DCC: variants seen among roughly 807,000 people sequenced by gnomAD.
DCC encodes the protein netrin receptor DCC.
Under a neutral mutation model 172.5 loss-of-function variants are expected in DCC, and 58 were observed. The observed-to-expected ratio is 0.34, with a 90% CI of 0.27 to 0.42. DCC has a LOEUF of 0.42. Among genes scored for constraint, DCC ranks in the 10% least tolerant of loss-of-function variants. The probability of loss-of-function intolerance (pLI) is 1.00; values close to 1 mark genes in which losing one functional copy is unlikely to be tolerated. For missense variants in DCC, 1,740 were observed against 1,791.0 expected (o/e 0.97, Z 0.51); for synonymous variants, 709 against 644.5 (o/e 1.10, Z -1.52).
intron 12 of DCC, among the ~76,000 whole-genome samples, chr18:53,266,594 C>CTTTT (rs2056678067): frequency 6.6e-6 from 1 of 151,990 alleles, no homozygotes; most frequent in Non-Finnish European, 1.5e-5. Context: ...TTAATGTGTG[C>CTTTT]AGTTCATGGC....
At chr18:53,498,725 T>C (rs1304589311) in intron 26 of DCC, among the ~76,000 whole-genome samples, 2 of 152,228 alleles carry the variant, frequency 1.3e-5, no homozygotes, top group Non-Finnish European at 2.9e-5. Context: ...GGCAACTTGT[T>C]CTGGCAGAGT....
intron 1 of DCC, among the ~76,000 whole-genome samples, chr18:52,677,508 T>C (rs2035666218): frequency 1.3e-5 from 2 of 151,978 alleles, no homozygotes; most frequent in Non-Finnish European, 1.5e-5. Context: ...TTATTATTAT[T>C]GTTTCTATTG....
At chr18:53,217,479 A>G (rs181713298) in intron 12 of DCC, among the ~76,000 whole-genome samples, 27 of 152,230 alleles carry the variant, frequency 1.8e-4, no homozygotes, top group African/African-American at 6.5e-4. Flanking sequence ...TCAGAATGAA[A>G]ATACTATGCC....
chr18:52,525,051 G>A (rs1291222859), intron 1 of DCC, among the ~76,000 whole-genome samples: 1 of 151,844 alleles, frequency 6.6e-6, no homozygotes, highest in African/African-American at 2.4e-5. Flanking sequence ...CTGTTTAGTG[G>A]GTTCTTGTAA....
chr18:52,544,467 G>A (rs2032556595), intron 1 of DCC, among the ~76,000 whole-genome samples: 1 of 137,078 alleles, frequency 7.3e-6, no homozygotes, highest in Admixed American at 7.3e-5. Flanking sequence ...TTTTTTTGTG[G>A]CACCACAAGA....
chr18:52,598,217 T>A (rs1029218790), intron 1 of DCC, among the ~76,000 whole-genome samples: 9 of 152,178 alleles, frequency 5.9e-5, no homozygotes, highest in Non-Finnish European at 1.3e-4. Context: ...TTAAAAACAA[T>A]TTACCATTTG....
intron 15 of DCC, among the ~76,000 whole-genome samples, chr18:53,350,627 C>T (rs1568073993): frequency 2.0e-5 from 3 of 151,712 alleles, no homozygotes; most frequent in African/African-American, 7.3e-5. Context: ...TTTGTAATAG[C>T]TCAGTAAAAA....
At chr18:53,226,080 GC>G (rs1415239110) in intron 12 of DCC, among the ~76,000 whole-genome samples, 2 of 152,136 alleles carry the variant, frequency 1.3e-5, no homozygotes, top group African/African-American at 4.8e-5. Context: ...GAGATAATAT[GC>G]CCCAGTGTCA....
intron 2 of DCC, among the ~76,000 whole-genome samples, chr18:52,839,116 A>C (rs2038762155): frequency 6.6e-6 from 1 of 152,244 alleles, no homozygotes; most frequent in South Asian, 2.1e-4. Flanking sequence ...ACATTTACTT[A>C]ACCATATTAC....
rs1366957682 is a variant in DCC at position 53,063,305 on chromosome 18, T to G, written c.986T>G (p.Val329Gly). 3 of 1,613,146 alleles carry G rather than the reference T, an allele frequency of 1.9e-6. No homozygotes were observed. Among genetic ancestry groups the G allele is most frequent in the Non-Finnish European group, 2.5e-6 (3 of 1,179,432 alleles). The change falls in exon 6 of 29, where the codon GTT becomes GGT. Residue 329 changes from valine (V) to glycine (G), a missense_variant and splice_region_variant. Coordinates refer to ENST00000442544, the MANE Select transcript of DCC (RefSeq NM_005215.4). Reference sequence around the variant, plus strand: ...CACTTTTTTTTTTCTGTCTTTGCAGTTCCGCCATGGTTTTTAAATCATCCT... The same window carrying G: ...CACTTTTTTTTTTCTGTCTTTGCAGGTCCGCCATGGTTTTTAAATCATCCT... ...ISASAELTVLVPPWFLNHPSN... is the reference protein window; with the variant it reads ...ISASAELTVLGPPWFLNHPSN...
chr18:52,369,345 C>T (rs1985015767), intron 1 of DCC, among the ~76,000 whole-genome samples: 1 of 151,954 alleles, frequency 6.6e-6, no homozygotes, highest in South Asian at 2.1e-4. Flanking sequence ...TATTTCTCCC[C>T]ACCTCAGGTC....
At chr18:53,191,268 C>T (rs929441104) in intron 9 of DCC, among the ~76,000 whole-genome samples, 1 of 152,046 alleles carries the variant, frequency 6.6e-6, no homozygotes, top group African/African-American at 2.4e-5. Context: ...TGGTATGGTT[C>T]ATTATCTAAC....
At chr18:52,398,380 T>TC in intron 1 of DCC, among the ~76,000 whole-genome samples, 2 of 152,112 alleles carry the variant, frequency 1.3e-5, no homozygotes, top group Admixed American at 1.3e-4. Context: ...GTGGGTTTTT[T>TC]CCCAACATGA....
At chr18:53,088,012 A>G (rs1323769905) in intron 7 of DCC, among the ~76,000 whole-genome samples, 1 of 152,072 alleles carries the variant, frequency 6.6e-6, no homozygotes, top group Non-Finnish European at 1.5e-5. Context: ...GTAGCCTTGT[A>G]GTATAGTTTG....
intron 19 of DCC, among the ~76,000 whole-genome samples, chr18:53,407,227 C>G (rs1909714029): frequency 6.6e-6 from 1 of 152,026 alleles, no homozygotes; most frequent in African/African-American, 2.4e-5. Flanking sequence ...GCACTTAAAA[C>G]AGCCCATGAA....
At chr18:52,639,879 C>G (rs2034855938) in intron 1 of DCC, among the ~76,000 whole-genome samples, 1 of 152,144 alleles carries the variant, frequency 6.6e-6, no homozygotes, top group South Asian at 2.1e-4. Context: ...CCAGCATCAC[C>G]CTAATACCAA....
chr18:53,101,862 C>T (rs1392923042), intron 7 of DCC, among the ~76,000 whole-genome samples: 1 of 150,898 alleles, frequency 6.6e-6, no homozygotes, highest in Admixed American at 6.6e-5. Flanking sequence ...TGAGTGTTGA[C>T]ATTGATTTCT....
chr18:53,063,569 T>C (rs988516346), intron 6 of DCC, 110 bp downstream of exon 6: 1 of 877,418 alleles, frequency 1.1e-6, no homozygotes, highest in Non-Finnish European at 1.8e-6. Flanking sequence ...AGATTTTTTG[T>C]GATGTGTTAA....
At chr18:52,961,735 G>A (rs557490946) in intron 5 of DCC, among the ~76,000 whole-genome samples, 1 of 152,276 alleles carries the variant, frequency 6.6e-6, no homozygotes, top group Admixed American at 6.5e-5. Flanking sequence ...AACCAAAACA[G>A]CATGGTACTG....
Sources: allele counts gnomAD v4.1 joint callset (sites outside exome capture counted in the v4.1 genomes callset), GRCh38; gene constraint gnomAD v4.1.1; transcripts MANE v1.5; gene names NCBI Gene and HGNC (gene_info 2026-07-23, HGNC 2026-07-21).